The following GRM8 variants were observed in gnomAD, a reference collection of about 807,000 sequenced individuals.
GRM8 encodes the protein glutamate metabotropic receptor 8.
Under a neutral mutation model 87.2 loss-of-function variants are expected in GRM8, and 47 were observed. The observed-to-expected ratio is 0.54, with a 90% CI of 0.43 to 0.69. The LOEUF (loss-of-function observed/expected upper bound fraction) is 0.69, where lower values mean the gene tolerates loss of function less well. Among genes scored for constraint, GRM8 ranks in the 30% least tolerant of loss-of-function variants. The pLI is 0.00. For synonymous variants in GRM8, 396 were observed against 404.5 expected, an observed-to-expected ratio of 0.98 and a Z score of 0.25; for missense variants, 1,019 against 1,139.2, an observed-to-expected ratio of 0.89 and a Z score of 1.52.
intron 9 of GRM8, among the ~76,000 whole-genome samples, chr7:126,519,918 G>T (rs1199452166): frequency 6.6e-6 from 1 of 152,064 alleles, no homozygotes; most frequent in Non-Finnish European, 1.5e-5. Flanking sequence ...ACTATAATTT[G>T]TTGACAGAGT....
rs919818445 is a variant in GRM8, at chr7:127,077,692, G to A, written c.727+28804C>T. On this transcript the variant is annotated intron_variant, in intron 3 of 10. Coordinates refer to ENST00000339582, the MANE Select transcript of GRM8 (RefSeq NM_000845.3). ...GTAGACATGCCCATTTTTTAATTAC[G>A]TTCTCTGCCAGGTAACAACCCCCTT... 5.9e-5 allele frequency among the ~76,000 whole-genome samples: 9 copies of A among 152,074 alleles called. No individual in the cohort carries two copies. The South Asian group carries it at 1.0e-3, about 18-fold the overall frequency.
At chr7:126,622,475 C>T (rs1334235996) in intron 7 of GRM8, among the ~76,000 whole-genome samples, 1 of 152,046 alleles carries the variant, frequency 6.6e-6, no homozygotes, top group Non-Finnish European at 1.5e-5. Flanking sequence ...AATACAAAAA[C>T]TTCCTCATCA....
chr7:126,523,244 C>A (rs1023118849), intron 9 of GRM8, among the ~76,000 whole-genome samples: 7 of 152,070 alleles, frequency 4.6e-5, no homozygotes, highest in East Asian at 1.9e-4. Flanking sequence ...AAAAGTTTTT[C>A]TTGAGACTTT....
At chr7:127,079,572 T>C (rs17866881) in intron 3 of GRM8, among the ~76,000 whole-genome samples, 1,675 of 152,290 alleles carry the variant, frequency 0.011, 26 homozygotes, top group African/African-American at 0.037. Context: ...TTGCATGACA[T>C]CTTCCCTGCC....
At chr7:127,221,515 C>A (rs1015108580) in intron 2 of GRM8, among the ~76,000 whole-genome samples, 1 of 152,248 alleles carries the variant, frequency 6.6e-6, no homozygotes, top group South Asian at 2.1e-4. Flanking sequence ...TGCAAAGATA[C>A]AAAATTCCTA....
At chr7:126,810,058 A>G (rs779375658) in intron 6 of GRM8, among the ~76,000 whole-genome samples, 3 of 152,178 alleles carry the variant, frequency 2.0e-5, no homozygotes, top group African/African-American at 2.4e-5. Flanking sequence ...GGTATGACCT[A>G]TGTATAAAGG....
intron 9 of GRM8, among the ~76,000 whole-genome samples, chr7:126,530,521 C>T (rs766089483): frequency 6.6e-6 from 1 of 152,214 alleles, no homozygotes; most frequent in African/African-American, 2.4e-5. Context: ...GGGAAGCCGA[C>T]TGACATGGGC....
At chr7:127,051,162 GTGGTCC>G (rs1348438175) in intron 3 of GRM8, among the ~76,000 whole-genome samples, 2 of 152,260 alleles carry the variant, frequency 1.3e-5, no homozygotes, top group African/African-American at 4.8e-5. Flanking sequence ...GCTCTGAAAG[GTGGTCC>G]CCACTTGGGA....
chr7:127,182,613 G>A (rs188789910), intron 2 of GRM8, among the ~76,000 whole-genome samples: 39 of 149,966 alleles, frequency 2.6e-4, no homozygotes, highest in African/African-American at 8.1e-4. Context: ...ACAAATCAAT[G>A]AGTAGATAAA....
At chr7:126,574,754 A>AT (rs749602281) in intron 8 of GRM8, among the ~76,000 whole-genome samples, 3 of 151,860 alleles carry the variant, frequency 2.0e-5, no homozygotes, top group Admixed American at 6.6e-5. Context: ...ACACTGTACT[A>AT]TTTTTTTTAG....
chr7:126,679,381 G>A lies in GRM8; in HGVS notation c.1358-69883C>T, dbSNP rs143820534. 5.8e-3 allele frequency among the ~76,000 whole-genome samples: 890 copies of A among 152,260 alleles called. 13 individuals are homozygous for A. Among genetic ancestry groups the A allele is most frequent in the African/African-American group, 0.02 (848 of 41,540 alleles). On this transcript the variant is annotated intron_variant, in intron 7 of 10. Transcript: ENST00000339582. ...TTTCCTCTGATATAAGATTTTAAAT[G>A]AAGATACATTAAAACAAAATTAGTA...
intron 9 of GRM8, among the ~76,000 whole-genome samples, chr7:126,498,154 C>A (rs1156278822): frequency 6.6e-6 from 1 of 151,808 alleles, no homozygotes; most frequent in Non-Finnish European, 1.5e-5. Flanking sequence ...TTGGAAATTA[C>A]CAAAAGACAT....
chr7:126,455,051 C>T lies in GRM8; in HGVS notation c.2431-8679G>A, dbSNP rs192480192. 4.9e-3 allele frequency among the ~76,000 whole-genome samples: 749 copies of T among 151,694 alleles called. 4 individuals carry two copies. Among genetic ancestry groups the T allele is most frequent in the South Asian group, 0.021 (101 of 4,814 alleles). On this transcript the variant is annotated intron_variant, in intron 9 of 10. Transcript: ENST00000339582. Reference sequence around the variant, plus strand: ...CAAAGATGTCTGATATTGATTAAAACGATGAGTTTAGATACTGTACAATAA... The same window carrying T: ...CAAAGATGTCTGATATTGATTAAAATGATGAGTTTAGATACTGTACAATAA...
At chr7:126,483,775 T>TC in intron 9 of GRM8, among the ~76,000 whole-genome samples, 8 of 44,248 alleles carry the variant, frequency 1.8e-4, no homozygotes, top group African/African-American at 5.3e-4. Flanking sequence ...CTCCCTCCCT[T>TC]CCTCCCCTCC....
chr7:127,143,530 T>TAC (rs1828389725), intron 2 of GRM8, among the ~76,000 whole-genome samples: 2 of 152,174 alleles, frequency 1.3e-5, no homozygotes, highest in Non-Finnish European at 2.9e-5. Flanking sequence ...CTATGTGCTT[T>TAC]ACCTTTAATC....
intron 2 of GRM8, among the ~76,000 whole-genome samples, chr7:127,221,657 G>C (rs1236843239): frequency 6.6e-6 from 1 of 152,128 alleles, no homozygotes; most frequent in African/African-American, 2.4e-5. Flanking sequence ...AACTCATTTT[G>C]CTAAGATTCT....
At chr7:126,848,115 A>C (rs1796875412) in intron 6 of GRM8, among the ~76,000 whole-genome samples, 1 of 152,208 alleles carries the variant, frequency 6.6e-6, no homozygotes, top group African/African-American at 2.4e-5. Flanking sequence ...CCCTTTTCTC[A>C]ATGGAAAATG....
intron 7 of GRM8, among the ~76,000 whole-genome samples, chr7:126,614,875 G>A (rs1799294881): frequency 6.6e-6 from 1 of 152,226 alleles, no homozygotes; most frequent in Non-Finnish European, 1.5e-5. Context: ...GGGACTATGT[G>A]AAAAGACCAA....
chr7:126,822,225 G>C (rs1794359770), intron 6 of GRM8, among the ~76,000 whole-genome samples: 1 of 152,028 alleles, frequency 6.6e-6, no homozygotes, highest in Non-Finnish European at 1.5e-5. Flanking sequence ...GTCTCCATCA[G>C]TCCATTGAAA....
Sources: gnomAD v4.1 joint callset for allele counts (sites outside exome capture counted in the v4.1 genomes callset) on GRCh38, gnomAD v4.1.1 for gene constraint, MANE v1.5 for transcripts, NCBI Gene and HGNC (gene_info 2026-07-23, HGNC 2026-07-21) for gene names.